Variants in NEDD1 observed in about 807,000 individuals in gnomAD.
The protein encoded by NEDD1 is protein NEDD1.
NEDD1 carries 33 observed loss-of-function variants against 74.0 expected under a neutral mutation model. The observed-to-expected ratio is 0.45, with a 90% CI of 0.34 to 0.60. The LOEUF is 0.60. Among genes scored for constraint, NEDD1 ranks in the 20% least tolerant of loss-of-function variants. The pLI is 0.01. For missense variants in NEDD1, 746 were observed against 776.5 expected, an observed-to-expected ratio of 0.96 and a Z score of 0.47; for synonymous variants, 250 against 264.4, an observed-to-expected ratio of 0.95 and a Z score of 0.53.
At chr12:96,910,937 C>CA (rs1873858801) in intron 3 of NEDD1, among the ~76,000 whole-genome samples, 1 of 152,060 alleles carries the variant, frequency 6.6e-6, no homozygotes, top group Non-Finnish European at 1.5e-5. Flanking sequence ...GGTTCAGGAA[C>CA]AAAAATATTA....
At chr12:96,924,040 T>C (rs1875419317) in intron 6 of NEDD1, among the ~76,000 whole-genome samples, 1 of 152,344 alleles carries the variant, frequency 6.6e-6, no homozygotes, top group Middle Eastern at 3.4e-3. Flanking sequence ...ATGTTTGTTA[T>C]GATCCATTTC....
chr12:96,948,563 A>T (rs1156754521), intron 14 of NEDD1, among the ~76,000 whole-genome samples: 1 of 152,078 alleles, frequency 6.6e-6, no homozygotes, highest in African/African-American at 2.4e-5. Context: ...ATAGGTTATC[A>T]GGTTTGTTTT....
intron 10 of NEDD1, 84 bp downstream of exon 10, chr12:96,940,621 C>A: frequency 3.2e-6 from 3 of 927,442 alleles, no homozygotes; most frequent in Admixed American, 2.4e-5. Context: ...TAGCTTCAGT[C>A]CAACTCTATT....
Position 96,940,415 on chromosome 12 carries a change from C to T in NEDD1, c.1124C>T (p.Pro375Leu). 4 of 1,584,818 alleles carry T rather than the reference C, an allele frequency of 2.5e-6. No individual in the cohort carries two copies. Among genetic ancestry groups the T allele is most frequent in the Non-Finnish European group, 3.5e-6 (4 of 1,157,724 alleles). The change falls in exon 10 of 16, where the codon CCT (proline) becomes CTT (leucine). Residue 375 changes from proline to leucine, a missense_variant. Coordinates refer to ENST00000266742, the MANE Select transcript of NEDD1 (RefSeq NM_152905.4). Reference sequence around the variant, plus strand: ...TATATCTAATTCCTATAAGGTTTGCCTCGAAGCATAAACACAGACACTTTA... The same window carrying T: ...TATATCTAATTCCTATAAGGTTTGCTTCGAAGCATAAACACAGACACTTTA... The part of the protein sequence containing the change: ...TVAVQEKAGL[P>L]RSINTDTLSK...
At chr12:96,918,023 A>G (rs1028655444) in intron 5 of NEDD1, among the ~76,000 whole-genome samples, 2 of 152,044 alleles carry the variant, frequency 1.3e-5, no homozygotes, top group African/African-American at 2.4e-5. Flanking sequence ...ATTTTTTCCT[A>G]AACTATGGTG....
chr12:96,950,468 T>TA (rs1349282066), intron 14 of NEDD1, among the ~76,000 whole-genome samples: 2 of 151,950 alleles, frequency 1.3e-5, no homozygotes, highest in Non-Finnish European at 2.9e-5. Context: ...GTTGGAATAG[T>TA]AAAAACTTGA....
rs1372116238 is a variant in NEDD1, at chr12:96,936,803, TCTTA to T, written c.915_918del (p.Thr306SerfsTer4). On this transcript the variant is annotated frameshift_variant, in exon 8 of 16. Coordinates refer to ENST00000266742, the MANE Select transcript of NEDD1 (RefSeq NM_152905.4). LOFTEE classifies it high-confidence loss of function. ...GTATAGCATTTCAGTACTCCACTGT[TCTTA>T]CTAAGGTGAGACATTTTCTTTTCAG... is the stretch of plus-strand genomic sequence containing the variant. 4 of 1,596,730 alleles carry T rather than the reference TCTTA, an allele frequency of 2.5e-6. No individual in the cohort carries two copies. The highest frequency in any genetic ancestry group is 1.3e-5 in the African/African-American group (1 of 74,560).
rs1878729945 is a variant in NEDD1 at position 96,951,810 on chromosome 12, T to C, written c.1879-139T>C. 8 of 575,970 alleles carry C rather than the reference T, an allele frequency of 1.4e-5. No individual in the cohort carries two copies. The South Asian group carries it at 1.6e-4, about 12-fold the overall frequency. 35.7% of individuals were successfully genotyped at this position (575,970 alleles called of 1,614,324 possible). A position where few individuals can be genotyped will look rare whatever the true frequency, so the allele number is the denominator to read the frequency against. On this transcript the variant is annotated intron_variant, in intron 15 of 15. Transcript: ENST00000266742. Reference sequence around the variant, plus strand: ...TCTTCCATTTATATTAACAAACTAGTAAGTTGTTAAGTACAAGAAATATCA... The same window carrying C: ...TCTTCCATTTATATTAACAAACTAGCAAGTTGTTAAGTACAAGAAATATCA...
chr12:96,916,395 TCCCTCCC>T (rs1174779999), intron 4 of NEDD1, among the ~76,000 whole-genome samples: 4 of 100,780 alleles, frequency 4.0e-5, no homozygotes, highest in East Asian at 6.6e-4. Flanking sequence ...CCCAATGCTA[TCCCTCCC>T]CCCTCCCCCC....
At chr12:96,912,602 C>G in intron 3 of NEDD1, 121 bp from the exon 4 acceptor site, 1 of 549,560 alleles carries the variant, frequency 1.8e-6, no homozygotes. Flanking sequence ...GAAAGCTACT[C>G]TGTAAGCTAT....
At chr12:96,946,559 T>C (rs1592932578) in intron 14 of NEDD1, among the ~76,000 whole-genome samples, 2 of 152,336 alleles carry the variant, frequency 1.3e-5, no homozygotes, top group Middle Eastern at 3.4e-3. Context: ...TTTTAAAATA[T>C]ATTTTTAAAT....
intron 6 of NEDD1, 63 bp downstream of exon 6, chr12:96,920,188 A>G: frequency 9.8e-7 from 1 of 1,019,160 alleles, no homozygotes; most frequent in Non-Finnish European, 1.4e-6. Flanking sequence ...ATCTTACATA[A>G]GACTGTGAAT....
intron 6 of NEDD1, among the ~76,000 whole-genome samples, chr12:96,924,290 C>T (rs1875451177): frequency 6.6e-6 from 1 of 152,168 alleles, no homozygotes; most frequent in South Asian, 2.1e-4. Flanking sequence ...TTCACTTTGA[C>T]TACTATGGGC....
rs1592900371 is a variant in NEDD1, at chr12:96,931,165, T to C, written c.490-3811T>C. ...ATATATGTGTGTATGTTCATATGTATGTTAAGATGTTTGTATTAATTTCTT... is the reference window on the plus strand; with the variant it reads ...ATATATGTGTGTATGTTCATATGTACGTTAAGATGTTTGTATTAATTTCTT... On this transcript the variant is annotated intron_variant, in intron 6 of 15. Transcript: ENST00000266742. Among the ~76,000 whole-genome samples, 4 of 152,306 alleles carry C rather than the reference T, an allele frequency of 2.6e-5. 1 individual carries two copies. The highest frequency in any genetic ancestry group is 2.6e-4 in the Admixed American group (4 of 15,306).
At chr12:96,934,303 G>T (rs1173983364) in intron 6 of NEDD1, among the ~76,000 whole-genome samples, 1 of 151,084 alleles carries the variant, frequency 6.6e-6, no homozygotes, top group Admixed American at 6.6e-5. Flanking sequence ...ATGAATTAAT[G>T]TAGATAATCT....
rs1878694693 is a variant in NEDD1, at chr12:96,951,413, T to C, written c.1812-19T>C. Reference sequence around the variant, plus strand: ...GTTAAACTATTGTAATTCTAAAAAGTATTTTACATTCTTCCTAGAGAAGCA... The same window carrying C: ...GTTAAACTATTGTAATTCTAAAAAGCATTTTACATTCTTCCTAGAGAAGCA... On this transcript the variant is annotated intron_variant, in intron 14 of 15. Transcript: ENST00000266742. 6.9e-7 allele frequency: 1 copy of C among 1,443,678 alleles called. No homozygotes were observed. Among genetic ancestry groups the C allele is most frequent in the African/African-American group, 1.4e-5 (1 of 70,778 alleles). The allele number at this position is 1,443,678 out of a possible 1,614,324, so 89.4% of individuals were successfully genotyped here.
chr12:96,937,095 G>A lies in NEDD1; in HGVS notation c.922-103G>A, dbSNP rs1592914708. 2.1e-5 allele frequency: 14 copies of A among 663,012 alleles called. 1 individual carries two copies. The East Asian group carries it at 4.5e-4, about 21-fold the overall frequency. The allele number at this position is 663,012 out of a possible 1,614,324, so 41.1% of individuals were successfully genotyped here. A position where few individuals can be genotyped will look rare whatever the true frequency, so the allele number is the denominator to read the frequency against. On this transcript the variant is annotated intron_variant, in intron 8 of 15. Coordinates refer to ENST00000266742, the MANE Select transcript of NEDD1 (RefSeq NM_152905.4). ...CTGCCAGCAAGCTTAAGATTTGCAA[G>A]GAAAAAAATATATTTTTTAATCTAA...
rs11108739 is a variant in NEDD1, at chr12:96,932,489, A to G, written c.490-2487A>G. Among the ~76,000 whole-genome samples, 432 of 58,156 alleles carry G rather than the reference A, an allele frequency of 7.4e-3. 5 individuals are homozygous for G. The highest frequency in any genetic ancestry group is 0.013 in the Non-Finnish European group (335 of 26,230). The allele number at this position is 58,156 out of a possible 152,430, so 38.2% of individuals were successfully genotyped here. A position where few individuals can be genotyped will look rare whatever the true frequency, so the allele number is the denominator to read the frequency against. ...ATATATATATATATATATATATATAAAATGCACACACACAAGTAAATATAT... is the reference window on the plus strand; with the variant it reads ...ATATATATATATATATATATATATAGAATGCACACACACAAGTAAATATAT... On this transcript the variant is annotated intron_variant, in intron 6 of 15. Coordinates refer to ENST00000266742, the MANE Select transcript of NEDD1 (RefSeq NM_152905.4).
Position 96,952,113 on chromosome 12 carries a change from C to T in NEDD1, c.*60C>T. ...GGAAGTTTCTGGCAACACAGAACTACATAGAATCAGTATTGTTTTCATGGC... is the reference window on the plus strand; with the variant it reads ...GGAAGTTTCTGGCAACACAGAACTATATAGAATCAGTATTGTTTTCATGGC... On this transcript the variant is annotated 3_prime_UTR_variant, in exon 16 of 16. Transcript: ENST00000266742. 2 of 890,122 alleles carry T rather than the reference C, an allele frequency of 2.2e-6. No individual in the cohort carries two copies. The highest frequency in any genetic ancestry group is 2.7e-5 in the South Asian group (2 of 73,126). 55.1% of individuals were successfully genotyped at this position (890,122 alleles called of 1,614,324 possible). A position where few individuals can be genotyped will look rare whatever the true frequency, so the allele number is the denominator to read the frequency against.
Sources: allele counts gnomAD v4.1 joint callset (sites outside exome capture counted in the v4.1 genomes callset), GRCh38; gene constraint gnomAD v4.1.1; transcripts MANE v1.5; gene names NCBI Gene and HGNC (gene_info 2026-07-23, HGNC 2026-07-21).